Variants in EYS observed in about 807,000 individuals in gnomAD.
EYS encodes EGF-like photoreceptor maintenance factor.
Under a neutral mutation model 282.1 loss-of-function variants are expected in EYS, and 250 were observed. The observed-to-expected ratio is 0.89, with a 90% CI of 0.80 to 0.98. EYS has a LOEUF of 0.98. Ranked by LOEUF, EYS falls within the 50% of genes least tolerant of loss-of-function variation. The probability of loss-of-function intolerance (pLI) is 0.00; values close to 1 mark genes in which losing one functional copy is unlikely to be tolerated. For missense variants in EYS, 4,016 were observed against 3,709.0 expected, an observed-to-expected ratio of 1.08 and a Z score of -2.15; for synonymous variants, 1,355 against 1,282.9, an observed-to-expected ratio of 1.06 and a Z score of -1.20.
chr6:63,907,662 G>A (rs78874621), intron 35 of EYS, among the ~76,000 whole-genome samples: 2,477 of 152,148 alleles, frequency 0.016, 74 homozygotes, highest in African/African-American at 0.055. Flanking sequence ...GGACAAAAGT[G>A]CAGTTTTGTT....
At chr6:64,079,530 A>G (rs748176017) in intron 32 of EYS, among the ~76,000 whole-genome samples, 118 of 152,210 alleles carry the variant, frequency 7.8e-4, no homozygotes, top group Admixed American at 4.3e-3. Context: ...TTTGGGAAAT[A>G]ATAAGTTGCC....
intron 12 of EYS, among the ~76,000 whole-genome samples, chr6:65,183,015 T>C (rs1395737509): frequency 6.6e-6 from 1 of 152,056 alleles, no homozygotes; most frequent in Non-Finnish European, 1.5e-5. Flanking sequence ...GGTCTCAAAC[T>C]CCTGAGCTCA....
intron 21 of EYS, among the ~76,000 whole-genome samples, chr6:64,821,213 T>C (rs145005379): frequency 2.6e-5 from 4 of 152,162 alleles, no homozygotes; most frequent in East Asian, 1.9e-4. Context: ...CGTCTTGATA[T>C]ATGCATCCAG....
intron 22 of EYS, among the ~76,000 whole-genome samples, chr6:64,727,936 T>G (rs1308358143): frequency 6.6e-6 from 1 of 152,326 alleles, no homozygotes; most frequent in East Asian, 1.9e-4. Context: ...TAATTCTATC[T>G]GAAGATACAA....
At chr6:64,703,425 A>ATTTTTTT (rs1562144141) in intron 22 of EYS, among the ~76,000 whole-genome samples, 2 of 20,736 alleles carry the variant, frequency 9.6e-5, no homozygotes, top group African/African-American at 2.2e-4. Flanking sequence ...ATATATATAT[A>ATTTTTTT]TATATTTTTT....
chr6:63,951,890 T>C (rs1052376619), intron 35 of EYS, among the ~76,000 whole-genome samples: 3 of 152,206 alleles, frequency 2.0e-5, no homozygotes, highest in Admixed American at 6.5e-5. Flanking sequence ...TTTACAGCCC[T>C]AGACTCTGAA....
chr6:63,826,284 T>A (rs1447026832), intron 36 of EYS, among the ~76,000 whole-genome samples: 1 of 152,102 alleles, frequency 6.6e-6, no homozygotes, highest in Non-Finnish European at 1.5e-5. Context: ...TCCTGAGGAA[T>A]AAAAGAATTC....
intron 41 of EYS, among the ~76,000 whole-genome samples, chr6:63,762,255 A>G (rs186170360): frequency 1.4e-4 from 22 of 152,232 alleles, no homozygotes; most frequent in Admixed American, 1.0e-3. Flanking sequence ...AATTAAAGCA[A>G]TACTAAAAGC....
At chr6:64,428,551 A>G (rs1274612134) in intron 28 of EYS, among the ~76,000 whole-genome samples, 1 of 152,164 alleles carries the variant, frequency 6.6e-6, no homozygotes, top group African/African-American at 2.4e-5. Flanking sequence ...ATTGAAGGAC[A>G]CGAGTAATCA....
chr6:64,286,350 C>G (rs1307570031), intron 30 of EYS, among the ~76,000 whole-genome samples: 2 of 152,130 alleles, frequency 1.3e-5, no homozygotes, highest in Admixed American at 1.3e-4. Context: ...CAGTATGACA[C>G]AATTAATACA....
At chr6:64,952,618 C>T (rs1414914236) in intron 14 of EYS, among the ~76,000 whole-genome samples, 5 of 151,912 alleles carry the variant, frequency 3.3e-5, no homozygotes, top group Non-Finnish European at 7.4e-5. Context: ...CCATACTTTC[C>T]AAGTTTTATC....
intron 41 of EYS, among the ~76,000 whole-genome samples, chr6:63,739,204 G>T (rs985387068): frequency 6.6e-6 from 1 of 152,042 alleles, no homozygotes; most frequent in African/African-American, 2.4e-5. Context: ...TGGTTCCTGT[G>T]TCCTCCTGTC....
At chr6:64,672,370 T>C (rs990429844) in intron 22 of EYS, among the ~76,000 whole-genome samples, 1 of 152,160 alleles carries the variant, frequency 6.6e-6, no homozygotes, top group Non-Finnish European at 1.5e-5. Context: ...TTTTCCCCTG[T>C]CATGAACTCT....
chr6:65,338,751 A>G (rs945748522), intron 10 of EYS, among the ~76,000 whole-genome samples: 4 of 151,126 alleles, frequency 2.6e-5, no homozygotes, highest in African/African-American at 7.3e-5. Flanking sequence ...AGGAAACAGA[A>G]GTAAAACAAA....
chr6:64,122,050 G>T (rs1349712849), intron 31 of EYS, among the ~76,000 whole-genome samples: 2 of 151,836 alleles, frequency 1.3e-5, no homozygotes, highest in African/African-American at 4.8e-5. Context: ...TTATTTTGGG[G>T]GTAGCACCTT....
intron 22 of EYS, among the ~76,000 whole-genome samples, chr6:64,755,292 A>C (rs74975398): frequency 0.047 from 7,207 of 152,186 alleles, 228 homozygotes; most frequent in East Asian, 0.18. Flanking sequence ...AAAGAATTAT[A>C]GGTGACACAA....
intron 36 of EYS, among the ~76,000 whole-genome samples, chr6:63,840,175 G>A (rs376218497): frequency 1.3e-5 from 2 of 150,588 alleles, no homozygotes; most frequent in Non-Finnish European, 3.0e-5. Flanking sequence ...AGCCTCCTGA[G>A]TAGCTGGGAC....
chr6:65,376,921 A>G (rs1041633979), intron 8 of EYS, among the ~76,000 whole-genome samples: 1 of 152,216 alleles, frequency 6.6e-6, no homozygotes, highest in African/African-American at 2.4e-5. Flanking sequence ...TCACAGTAAT[A>G]GTGGGAGACT....
intron 35 of EYS, among the ~76,000 whole-genome samples, chr6:63,894,517 T>G (rs1299911236): frequency 6.6e-6 from 1 of 152,102 alleles, no homozygotes; most frequent in Admixed American, 6.5e-5. Context: ...GGCAACACCT[T>G]TTGATTTTAC....
Sources: allele counts gnomAD v4.1 joint callset (sites outside exome capture counted in the v4.1 genomes callset), GRCh38; gene constraint gnomAD v4.1.1; transcripts MANE v1.5; gene names NCBI Gene and HGNC (gene_info 2026-07-23, HGNC 2026-07-21).